Variants in MERTK observed in about 807,000 individuals in gnomAD.
MERTK encodes MER proto-oncogene, tyrosine kinase.
MERTK carries 69 observed loss-of-function variants against 99.3 expected under a neutral mutation model. That is an observed-to-expected ratio of 0.70 (90% CI 0.57 to 0.85). The LOEUF (loss-of-function observed/expected upper bound fraction) is 0.85. Ranked by LOEUF, MERTK falls within the 40% of genes least tolerant of loss-of-function variation. The pLI, the probability that MERTK is intolerant of heterozygous loss-of-function variation, is 0.00. For missense variants in MERTK, 1,125 were observed against 1,249.4 expected (o/e 0.90, Z 1.50); for synonymous variants, 426 against 467.6 (o/e 0.91, Z 1.15).
At chr2:112,022,506 G>A in intron 18 of MERTK, 112 bp downstream of exon 18, 1 of 1,518,256 alleles carries the variant, frequency 6.6e-7, no homozygotes, top group African/African-American at 1.4e-5. Flanking sequence ...TGTTAGCCAG[G>A]TGGGCATGTG....
chr2:112,018,350 T>C (rs983501018), intron 15 of MERTK, among the ~76,000 whole-genome samples: 1 of 152,344 alleles, frequency 6.6e-6, no homozygotes, highest in Admixed American at 6.5e-5. Context: ...ATATTTCTTA[T>C]GACCCAAATC....
chr2:111,947,137 G>A (rs950935741), intron 3 of MERTK, among the ~76,000 whole-genome samples: 7 of 152,100 alleles, frequency 4.6e-5, no homozygotes, highest in Non-Finnish European at 7.4e-5. Context: ...GCCAGACCTG[G>A]TGGTGTGCGC....
At chr2:111,978,927 G>T (rs1484808391) in intron 7 of MERTK, among the ~76,000 whole-genome samples, 2 of 152,122 alleles carry the variant, frequency 1.3e-5, no homozygotes, top group Non-Finnish European at 2.9e-5. Flanking sequence ...GTCTCAGGTC[G>T]GTTATTACCC....
At chr2:112,003,650 T>A (rs1213368286) in intron 12 of MERTK, among the ~76,000 whole-genome samples, 1 of 152,170 alleles carries the variant, frequency 6.6e-6, no homozygotes, top group Admixed American at 6.5e-5. Context: ...CTAAGTGTCT[T>A]GGATTGGTTA....
At chr2:111,914,817 T>C (rs1356377511) in intron 1 of MERTK, among the ~76,000 whole-genome samples, 1 of 152,304 alleles carries the variant, frequency 6.6e-6, no homozygotes, top group African/African-American at 2.4e-5. Flanking sequence ...GTTAATAATT[T>C]TTTTGTGTTT....
At chr2:111,978,995 T>G (rs1022601952) in intron 7 of MERTK, among the ~76,000 whole-genome samples, 2 of 152,192 alleles carry the variant, frequency 1.3e-5, no homozygotes, top group African/African-American at 4.8e-5. Flanking sequence ...ATCATTAGAT[T>G]TTCCAGTCTG....
intron 18 of MERTK, among the ~76,000 whole-genome samples, chr2:112,026,896 TG>T (rs1366266765): frequency 6.6e-6 from 1 of 152,232 alleles, no homozygotes; most frequent in African/African-American, 2.4e-5. Context: ...GTTCGTAAGA[TG>T]CTAGTAATTT....
intron 2 of MERTK, among the ~76,000 whole-genome samples, chr2:111,943,856 G>T (rs556828304): frequency 6.6e-6 from 1 of 152,222 alleles, no homozygotes; most frequent in South Asian, 2.1e-4. Flanking sequence ...GGTCATTTGG[G>T]ATATGGAACA....
At chr2:111,959,199 A>C (rs1392193094) in intron 4 of MERTK, among the ~76,000 whole-genome samples, 1 of 152,178 alleles carries the variant, frequency 6.6e-6, no homozygotes. Context: ...CCTCACTGTG[A>C]AACAGTGATC....
At chr2:111,920,117 G>A (rs905435433) in intron 1 of MERTK, among the ~76,000 whole-genome samples, 5 of 152,116 alleles carry the variant, frequency 3.3e-5, no homozygotes, top group East Asian at 1.9e-4. Context: ...AAGTAAATCC[G>A]GGGTGTTCCC....
At chr2:111,902,655 T>G (rs1684065493) in intron 1 of MERTK, among the ~76,000 whole-genome samples, 1 of 151,814 alleles carries the variant, frequency 6.6e-6, no homozygotes, top group Non-Finnish European at 1.5e-5. Flanking sequence ...AGTTCAGAGG[T>G]TCTCCTTGAG....
At chr2:111,937,299 AAAATT>A (rs1684781284) in intron 2 of MERTK, among the ~76,000 whole-genome samples, 1 of 151,708 alleles carries the variant, frequency 6.6e-6, no homozygotes, top group Admixed American at 6.6e-5. Flanking sequence ...TAAAAAAAAA[AAAATT>A]AGGCAGACAT....
At chr2:111,975,160 C>T in intron 6 of MERTK, 129 bp from the exon 7 acceptor site, 2 of 873,400 alleles carry the variant, frequency 2.3e-6, no homozygotes, top group Non-Finnish European at 3.9e-6. Context: ...GTGTGTGTGC[C>T]CAGAAAGGAA....
intron 1 of MERTK, among the ~76,000 whole-genome samples, chr2:111,899,332 G>A (rs957732163): frequency 6.6e-6 from 1 of 152,126 alleles, no homozygotes; most frequent in Non-Finnish European, 1.5e-5. Context: ...CGACGGGCCA[G>A]GGGGGGACGG....
At chr2:111,995,899 A>G (rs1488422709) in intron 9 of MERTK, among the ~76,000 whole-genome samples, 2 of 152,172 alleles carry the variant, frequency 1.3e-5, no homozygotes, top group Non-Finnish European at 2.9e-5. Context: ...GTGAGCCAAG[A>G]TCACACCATT....
chr2:111,986,052 A>G (rs1198028378), intron 8 of MERTK, among the ~76,000 whole-genome samples: 3 of 152,174 alleles, frequency 2.0e-5, no homozygotes, highest in Non-Finnish European at 2.9e-5. Flanking sequence ...CTTAAAATTT[A>G]TTTTAATTTC....
At chr2:112,007,751 TACA>T (rs762696741) in intron 13 of MERTK, among the ~76,000 whole-genome samples, 1 of 151,638 alleles carries the variant, frequency 6.6e-6, no homozygotes, top group Non-Finnish European at 1.5e-5. Flanking sequence ...TTGCAGGACA[TACA>T]ACAATAGAAA....
chr2:112,012,367 A>G (rs1265919452), intron 15 of MERTK, among the ~76,000 whole-genome samples: 1 of 148,814 alleles, frequency 6.7e-6, no homozygotes, highest in East Asian at 2.0e-4. Flanking sequence ...CTTCTAAAAG[A>G]TGTTTGGGCC....
At chr2:112,008,857 G>A (rs1006922117) in intron 14 of MERTK, 12 of 304,350 alleles carry the variant, frequency 3.9e-5, no homozygotes, top group South Asian at 6.7e-5. Flanking sequence ...GGCAAATTCC[G>A]TAGGTTTATC....
Sources: gnomAD v4.1 joint callset for allele counts (sites outside exome capture counted in the v4.1 genomes callset) on GRCh38, gnomAD v4.1.1 for gene constraint, MANE v1.5 for transcripts, NCBI Gene and HGNC (gene_info 2026-07-23, HGNC 2026-07-21) for gene names.